Variants in PATJ observed in about 807,000 individuals in gnomAD.
The protein encoded by PATJ is PATJ crumbs cell polarity complex component, also known as inaD-like protein.
PATJ carries 190 observed loss-of-function variants against 224.9 expected under a neutral mutation model. The ratio of observed to expected loss-of-function variants is 0.84; its 90% CI spans 0.75 to 0.95. The LOEUF is 0.95. PATJ is among the 40% of genes least tolerant of loss of function. PATJ has a pLI of 0.00. For synonymous variants in PATJ, 769 were observed against 820.3 expected, an observed-to-expected ratio of 0.94 and a Z score of 1.07; for missense variants, 2,121 against 2,270.3, an observed-to-expected ratio of 0.93 and a Z score of 1.34.
rs201609033 is a variant in PATJ at position 62,017,888 on chromosome 1, C to G, written c.3900C>G (p.His1300Gln). 112 of 1,611,754 alleles carry G rather than the reference C, an allele frequency of 6.9e-5. No homozygotes were observed. Among genetic ancestry groups the G allele is most frequent in the Non-Finnish European group, 9.0e-5 (106 of 1,178,040 alleles). Residue 1300 changes from histidine (H) to glutamine (Q), a missense_variant, in exon 29 of 44, where the codon CAC becomes CAG. His to Gln is a conservative substitution (Grantham distance 24). Transcript: ENST00000642238. ...INNQILYGRSHQNASAIIKTA... is the reference protein window; with the variant it reads ...INNQILYGRSQQNASAIIKTA... ...ATCAGATTCTGTATGGAAGAAGTCACCAAAATGCATCTGCCATTATTAAGA... is the reference window on the plus strand; with the variant it reads ...ATCAGATTCTGTATGGAAGAAGTCAGCAAAATGCATCTGCCATTATTAAGA...
intron 23 of PATJ, 74 bp downstream of exon 23, chr1:61,899,728 C>A: frequency 2.1e-6 from 2 of 967,876 alleles, no homozygotes; most frequent in Non-Finnish European, 3.2e-6. Flanking sequence ...CTTAACAGAA[C>A]ATTATTTAGT....
intron 16 of PATJ, among the ~76,000 whole-genome samples, chr1:61,828,528 CA>C (rs1658729457): frequency 6.6e-6 from 1 of 151,616 alleles, no homozygotes; most frequent in South Asian, 2.1e-4. Flanking sequence ...TAGCTGGGAC[CA>C]CAGGCACATG....
intron 29 of PATJ, among the ~76,000 whole-genome samples, chr1:62,029,623 G>A (rs746524163): frequency 2.6e-5 from 4 of 152,128 alleles, no homozygotes; most frequent in African/African-American, 9.7e-5. Context: ...CAAAAATACA[G>A]TGAAATACCC....
chr1:61,882,336 A>T (rs1480619450), intron 21 of PATJ, among the ~76,000 whole-genome samples: 2 of 152,206 alleles, frequency 1.3e-5, no homozygotes, highest in African/African-American at 4.8e-5. Flanking sequence ...TGGCTGAGAG[A>T]ATAAGAAATG....
rs528072856 is a variant in PATJ at position 62,072,877 on chromosome 1, A to C, written c.4126-6573A>C. On this transcript the variant is annotated intron_variant, in intron 31 of 43. Coordinates refer to ENST00000642238, the MANE Select transcript of PATJ (RefSeq NM_001350145.3). Reference sequence around the variant, plus strand: ...TGTGTTCATTTCTAAGAGTTAGTCCAGTGGGTGAATGAAACTTTTTTGCCC... The same window carrying C: ...TGTGTTCATTTCTAAGAGTTAGTCCCGTGGGTGAATGAAACTTTTTTGCCC... 8.4e-5 allele frequency: 15 copies of C among 177,966 alleles called. No individual in the cohort carries two copies. In the South Asian group the frequency reaches 2.8e-3, roughly 33 times the overall value. 11.0% of individuals were successfully genotyped at this position (177,966 alleles called of 1,614,324 possible).
chr1:61,832,650 T>C (rs942760840), intron 16 of PATJ, among the ~76,000 whole-genome samples: 1 of 152,176 alleles, frequency 6.6e-6, no homozygotes, highest in African/African-American at 2.4e-5. Flanking sequence ...AGGCATTATA[T>C]AGTTGAGCTG....
intron 34 of PATJ, among the ~76,000 whole-genome samples, chr1:62,111,246 AGTG>A (rs937064836): frequency 7.9e-5 from 12 of 152,196 alleles, no homozygotes; most frequent in African/African-American, 2.9e-4. Context: ...GAGTGACAGA[AGTG>A]GTCTTGTGTG....
chr1:62,026,897 G>C (rs1207235734), intron 29 of PATJ, among the ~76,000 whole-genome samples: 1 of 152,164 alleles, frequency 6.6e-6, no homozygotes, highest in African/African-American at 2.4e-5. Flanking sequence ...GGGTCTGGAA[G>C]AGATATTTCT....
chr1:62,006,925 C>T (rs1223297631), intron 28 of PATJ, among the ~76,000 whole-genome samples: 1 of 152,178 alleles, frequency 6.6e-6, no homozygotes, highest in African/African-American at 2.4e-5. Context: ...TGGTATAAGG[C>T]TATTGTTCCC....
chr1:62,152,772 G>A (rs1011394906), intron 42 of PATJ, among the ~76,000 whole-genome samples: 2 of 152,178 alleles, frequency 1.3e-5, no homozygotes, highest in South Asian at 2.1e-4. Flanking sequence ...TAGGAGACAC[G>A]CTACCTCTGT....
rs577962044 is a variant in PATJ, at chr1:61,859,681, G to A, written c.2323-1870G>A. Among the ~76,000 whole-genome samples, 26 of 152,184 alleles carry A rather than the reference G, an allele frequency of 1.7e-4. No homozygotes were observed. In the South Asian group the frequency reaches 4.6e-3, roughly 27 times the overall value. On this transcript the variant is annotated intron_variant, in intron 18 of 43. Transcript: ENST00000642238. ...TTGCCCAGGCTGGAGTGCAAATGGC[G>A]TGATCTCAGCTCACCGCAACCTCCG...
At chr1:61,794,838 G>A (rs983532513) in intron 9 of PATJ, among the ~76,000 whole-genome samples, 2 of 151,864 alleles carry the variant, frequency 1.3e-5, no homozygotes, top group Admixed American at 1.3e-4. Flanking sequence ...AATTACGAAA[G>A]TTATCTGGGT....
At chr1:62,069,755 G>A (rs1252168279) in intron 31 of PATJ, among the ~76,000 whole-genome samples, 2 of 152,146 alleles carry the variant, frequency 1.3e-5, no homozygotes, top group Non-Finnish European at 2.9e-5. Context: ...CACTAGGTCT[G>A]TAAATGTGCT....
intron 31 of PATJ, among the ~76,000 whole-genome samples, chr1:62,078,331 G>A (rs1322565100): frequency 2.0e-5 from 3 of 152,172 alleles, no homozygotes; most frequent in Non-Finnish European, 4.4e-5. Context: ...TGCCCAGGCT[G>A]GAGTGCAATG....
In PATJ at chr1:61,791,417, A is replaced by G. The variant is rs376657219; in HGVS notation, c.1138A>G (p.Ile380Val). Residue 380 changes from isoleucine (I) to valine (V), a missense_variant, in exon 9 of 44, where the codon ATT becomes GTT. Ile to Val is a conservative substitution (Grantham distance 29). Coordinates refer to ENST00000642238, the MANE Select transcript of PATJ (RefSeq NM_001350145.3). ...AGATGGGCAGAGTCTTGGAATTAGA[A>G]TTGTTGGCTATGTTGGAACATCTCA... ...RKDGQSLGIR[I>V]VGYVGTSHTG... 4.4e-6 allele frequency: 7 copies of G among 1,608,690 alleles called. No homozygotes were observed. In the African/African-American group the frequency reaches 6.7e-5, roughly 15 times the overall value.
chr1:61,956,564 G>A (rs966636313), intron 27 of PATJ, among the ~76,000 whole-genome samples: 4 of 152,114 alleles, frequency 2.6e-5, no homozygotes, highest in African/African-American at 9.7e-5. Context: ...TATCTAATGG[G>A]TAGTTTCTAG....
At chr1:61,966,289 T>A (rs1429712946) in intron 27 of PATJ, among the ~76,000 whole-genome samples, 1 of 152,178 alleles carries the variant, frequency 6.6e-6, no homozygotes, top group African/African-American at 2.4e-5. Context: ...TATTTTTGAA[T>A]GGTAATCTGT....
intron 41 of PATJ, among the ~76,000 whole-genome samples, chr1:62,145,571 G>A (rs1047994764): frequency 3.3e-5 from 5 of 152,112 alleles, no homozygotes; most frequent in Admixed American, 3.3e-4. Context: ...GAGGTGAGGG[G>A]ATCTCTTGAG....
intron 1 of PATJ, among the ~76,000 whole-genome samples, chr1:61,748,691 C>A (rs186101537): frequency 8.3e-4 from 126 of 152,234 alleles, no homozygotes; most frequent in African/African-American, 2.9e-3. Flanking sequence ...ATCTCTGCTA[C>A]AATAATTTAA....
Sources: allele counts gnomAD v4.1 joint callset (sites outside exome capture counted in the v4.1 genomes callset), GRCh38; gene constraint gnomAD v4.1.1; transcripts MANE v1.5; gene names NCBI Gene and HGNC (gene_info 2026-07-23, HGNC 2026-07-21).